Variants in CTNNA3 observed in about 807,000 individuals in gnomAD.
The protein encoded by CTNNA3 is catenin alpha-3.
In CTNNA3, 76 loss-of-function variants were observed where a neutral mutation model predicts 95.7. The ratio of observed to expected loss-of-function variants is 0.79; its 90% CI spans 0.66 to 0.96. The LOEUF is 0.96. CTNNA3 is among the 40% of genes least tolerant of loss of function. The pLI is 0.00. For missense variants in CTNNA3, 1,191 were observed against 1,089.8 expected, an observed-to-expected ratio of 1.09 and a Z score of -1.31; for synonymous variants, 431 against 374.4, an observed-to-expected ratio of 1.15 and a Z score of -1.74.
At chr10:67,481,413 A>G (rs1244932225) in intron 5 of CTNNA3, among the ~76,000 whole-genome samples, 1 of 152,202 alleles carries the variant, frequency 6.6e-6, no homozygotes, top group East Asian at 1.9e-4. Context: ...TGAAACAGAT[A>G]AACAACTTCA....
rs540147092 is a variant in CTNNA3 at position 67,194,364 on chromosome 10, G to T, written c.844-13844C>A. Among the ~76,000 whole-genome samples the T allele has an allele frequency of 3.3e-5, 5 of 151,954 alleles. No individual in the cohort carries two copies. In the East Asian group the frequency reaches 9.7e-4, roughly 29 times the overall value. ...TAAACTGTGGTACATCCAGACAATG[G>T]AATATTACTCAGCACTAAAAAGAAA... is the stretch of plus-strand genomic sequence containing the variant. On this transcript the variant is annotated intron_variant, in intron 6 of 17. Transcript: ENST00000433211.
At chr10:66,329,819 T>G (rs2092303205) in intron 12 of CTNNA3, among the ~76,000 whole-genome samples, 2 of 152,108 alleles carry the variant, frequency 1.3e-5, no homozygotes, top group African/African-American at 4.8e-5. Context: ...TATAATACCC[T>G]GTAAGTCATG....
intron 1 of CTNNA3, among the ~76,000 whole-genome samples, chr10:67,678,018 C>G (rs77740904): frequency 0.035 from 5,366 of 152,202 alleles, 93 homozygotes; most frequent in Middle Eastern, 0.075. Flanking sequence ...GAGAATAATT[C>G]TGTAGAATCA....
intron 13 of CTNNA3, among the ~76,000 whole-genome samples, chr10:66,105,885 A>G (rs1328160719): frequency 2.6e-5 from 4 of 152,174 alleles, no homozygotes; most frequent in African/African-American, 9.7e-5. Flanking sequence ...AGAAAGGAGT[A>G]CTCTAATAAT....
At chr10:67,459,032 G>C (rs952547579) in intron 5 of CTNNA3, among the ~76,000 whole-genome samples, 2 of 152,156 alleles carry the variant, frequency 1.3e-5, no homozygotes, top group African/African-American at 4.8e-5. Context: ...TTTTAAGAAG[G>C]TGAAGCCTAG....
chr10:67,752,378 G>A (rs1042661097), intron 1 of CTNNA3, among the ~76,000 whole-genome samples: 1 of 152,076 alleles, frequency 6.6e-6, no homozygotes, highest in African/African-American at 2.4e-5. Flanking sequence ...TACTAAATGG[G>A]CAAAAGCTGG....
intron 9 of CTNNA3, among the ~76,000 whole-genome samples, chr10:66,749,223 A>C (rs1023372980): frequency 1.4e-5 from 2 of 146,078 alleles, no homozygotes; most frequent in African/African-American, 5.4e-5. Context: ...AAAAAAAAAA[A>C]AAAAAGAAAA....
intron 10 of CTNNA3, among the ~76,000 whole-genome samples, chr10:66,521,261 T>A (rs74141564): frequency 0.026 from 3,998 of 152,136 alleles, 183 homozygotes; most frequent in African/African-American, 0.091. Context: ...GTGAGTTTTT[T>A]AAATATAAAC....
At chr10:67,160,558 C>CGGG (rs1306435794) in intron 7 of CTNNA3, among the ~76,000 whole-genome samples, 1 of 151,598 alleles carries the variant, frequency 6.6e-6, no homozygotes, top group Non-Finnish European at 1.5e-5. Flanking sequence ...CCACCTCAGC[C>CGGG]TCCCTAGAGC....
chr10:67,667,498 C>T (rs1283766716), intron 1 of CTNNA3, among the ~76,000 whole-genome samples: 1 of 152,118 alleles, frequency 6.6e-6, no homozygotes, highest in East Asian at 1.9e-4. Flanking sequence ...CTTTTTCCTG[C>T]TCTCAGATTT....
chr10:66,692,691 A>G (rs922476600), intron 9 of CTNNA3, among the ~76,000 whole-genome samples: 1 of 152,174 alleles, frequency 6.6e-6, no homozygotes, highest in African/African-American at 2.4e-5. Flanking sequence ...TGAAGGAAAA[A>G]ATGTTAAGGG....
In CTNNA3 at chr10:66,558,261, G is replaced by A. The variant is rs1056305706; in HGVS notation, c.1375-37488C>T. 4.6e-5 allele frequency among the ~76,000 whole-genome samples: 7 copies of A among 152,128 alleles called. 1 individual carries two copies. Among genetic ancestry groups the A allele is most frequent in the Middle Eastern group, 6.8e-3 (2 of 294 alleles). Reference sequence around the variant, plus strand: ...TTATGCTTGTAAGAGCCATCTCTCCGGTTGCCAACTCCAATCTTTTACAAA... The same window carrying A: ...TTATGCTTGTAAGAGCCATCTCTCCAGTTGCCAACTCCAATCTTTTACAAA... On this transcript the variant is annotated intron_variant, in intron 10 of 17. Coordinates refer to ENST00000433211, the MANE Select transcript of CTNNA3 (RefSeq NM_013266.4).
At chr10:66,087,393 G>GT in intron 14 of CTNNA3, among the ~76,000 whole-genome samples, 1 of 152,228 alleles carries the variant, frequency 6.6e-6, no homozygotes, top group East Asian at 1.9e-4. Context: ...AACTTTGGCT[G>GT]TTTCCCCAGA....
At position 66,052,139 on chromosome 10, in the gene CTNNA3, G is replaced by A. The variant is rs1168363139; in HGVS notation, c.2159+17169C>T. Among the ~76,000 whole-genome samples the A allele has an allele frequency of 3.9e-5, 6 of 152,076 alleles. No individual in the cohort carries two copies. In the East Asian group the frequency reaches 7.7e-4, roughly 20 times the overall value. On this transcript the variant is annotated intron_variant, in intron 15 of 17. Transcript: ENST00000433211. ...CTCCCATGGAGAAAGTATACTAAAG[G>A]GCCATTTTGCCATTATATGAACAAA...
chr10:66,721,837 G>A (rs1430121596), intron 9 of CTNNA3, among the ~76,000 whole-genome samples: 1 of 152,104 alleles, frequency 6.6e-6, no homozygotes, highest in Non-Finnish European at 1.5e-5. Flanking sequence ...CACTTTTTGG[G>A]CATCACTGTT....
rs563654093 is a variant in CTNNA3, at chr10:67,478,855, AAAAC to A, written c.579+42983_579+42986del. Among the ~76,000 whole-genome samples, 550 of 152,046 alleles carry A rather than the reference AAAAC, an allele frequency of 3.6e-3. 8 individuals carry two copies. The highest frequency in any genetic ancestry group is 0.013 in the African/African-American group (527 of 41,492). On this transcript the variant is annotated intron_variant, in intron 5 of 17. Transcript: ENST00000433211. The stretch of plus-strand genomic sequence containing the variant: ...ATTGGCAAGTTGAATTAAAAAAAAA[AAAAC>A]AAGACCTATCGCTCACACACACATA...
chr10:66,853,783 C>T (rs1397530045), intron 7 of CTNNA3, among the ~76,000 whole-genome samples: 1 of 152,030 alleles, frequency 6.6e-6, no homozygotes, highest in Non-Finnish European at 1.5e-5. Flanking sequence ...CTCTGCTTTG[C>T]TATTAGAGGC....
intron 15 of CTNNA3, among the ~76,000 whole-genome samples, chr10:65,989,924 G>A (rs2078505457): frequency 6.6e-6 from 1 of 152,044 alleles, no homozygotes; most frequent in South Asian, 2.1e-4. Flanking sequence ...CCACCTCCAT[G>A]AGAGCAAAGT....
At chr10:66,667,178 T>C (rs751938052) in intron 9 of CTNNA3, among the ~76,000 whole-genome samples, 3 of 117,824 alleles carry the variant, frequency 2.5e-5, no homozygotes, top group Non-Finnish European at 5.1e-5. Context: ...GGTTTGTTTT[T>C]GAAGAGTAGT....
Sources: gnomAD v4.1 joint callset for allele counts (sites outside exome capture counted in the v4.1 genomes callset) on GRCh38, gnomAD v4.1.1 for gene constraint, MANE v1.5 for transcripts, NCBI Gene and HGNC (gene_info 2026-07-23, HGNC 2026-07-21) for gene names.